The following ENTPD3 variants were observed in gnomAD, a reference collection of about 807,000 sequenced individuals.
The protein encoded by ENTPD3 is CD39 antigen-like 3.
ENTPD3 carries 60 observed loss-of-function variants against 51.2 expected under a neutral mutation model. The ratio of observed to expected loss-of-function variants is 1.17; its 90% confidence interval spans 0.95 to 1.45. The LOEUF is 1.45. Among genes scored for constraint, ENTPD3 ranks in the 40% most tolerant of loss-of-function variants. ENTPD3 has a pLI of 0.00. For missense variants in ENTPD3, 593 were observed against 641.1 expected, an observed-to-expected ratio of 0.93 and a Z score of 0.81; for synonymous variants, 221 against 238.4, an observed-to-expected ratio of 0.93 and a Z score of 0.67.
intron 3 of ENTPD3, among the ~76,000 whole-genome samples, chr3:40,393,805 G>T (rs1955123452): frequency 6.6e-6 from 1 of 152,044 alleles, no homozygotes; most frequent in Non-Finnish European, 1.5e-5. Flanking sequence ...GGGACTTTGG[G>T]AGGCCGAGGC....
At chr3:40,423,798 T>C (rs770879539) in intron 9 of ENTPD3, 28 bp from the exon 10 acceptor site, 49 of 1,610,510 alleles carry the variant, frequency 3.0e-5, no homozygotes, top group Non-Finnish European at 4.1e-5. Context: ...CTGCCTGCCC[T>C]GCCTCTCAGA....
At chr3:40,406,668 T>C (rs1464044081) in intron 4 of ENTPD3, among the ~76,000 whole-genome samples, 1 of 152,138 alleles carries the variant, frequency 6.6e-6, no homozygotes, top group African/African-American at 2.4e-5. Flanking sequence ...TTGCAATGTC[T>C]GGAGATCTTT....
chr3:40,417,807 T>A (rs1955781601), intron 7 of ENTPD3, among the ~76,000 whole-genome samples: 1 of 152,146 alleles, frequency 6.6e-6, no homozygotes, highest in Non-Finnish European at 1.5e-5. Context: ...TCCTTTTACC[T>A]CTAGCAATGC....
chr3:40,419,057 TC>T (rs1036692730), intron 7 of ENTPD3, among the ~76,000 whole-genome samples: 2 of 152,208 alleles, frequency 1.3e-5, no homozygotes, highest in Non-Finnish European at 2.9e-5. Context: ...AATATGTTGT[TC>T]TTCTACACTT....
intron 4 of ENTPD3, among the ~76,000 whole-genome samples, chr3:40,405,302 T>C (rs1221191777): frequency 1.3e-5 from 2 of 151,952 alleles, no homozygotes; most frequent in African/African-American, 4.8e-5. Context: ...GCAAAGAGTT[T>C]GAGACCAGCC....
chr3:40,403,759 C>G (rs547096468), intron 4 of ENTPD3, among the ~76,000 whole-genome samples: 14 of 151,228 alleles, frequency 9.3e-5, no homozygotes, highest in Admixed American at 5.3e-4. Flanking sequence ...TTCAAGCAGT[C>G]TTCCTATCTC....
intron 4 of ENTPD3, among the ~76,000 whole-genome samples, chr3:40,409,085 T>C (rs987507528): frequency 6.6e-6 from 1 of 152,000 alleles, no homozygotes; most frequent in African/African-American, 2.4e-5. Flanking sequence ...AAACCCCATC[T>C]CTACTAAAAA....
At position 40,416,032 on chromosome 3, in the gene ENTPD3, C is replaced by T. The variant is rs144743573; in HGVS notation, c.790C>T (p.Arg264Trp). ...LYTHSFQCYG[R>W]NEAEKKFLAM... is the part of the protein sequence containing the mutation. ...CACACACAGCTTCCAGTGCTATGGC[C>T]GGAATGAGGCTGAGAAGAAGTTTCT... Residue 264 changes from arginine (R) to tryptophan (W), a missense_variant, in exon 7 of 11, where the codon CGG becomes TGG. By Grantham distance (101) the Arg-to-Trp change is moderately radical (BLOSUM62 -3). Coordinates refer to ENST00000301825, the MANE Select transcript of ENTPD3 (RefSeq NM_001248.4). 236 of 1,613,924 alleles carry T rather than the reference C, an allele frequency of 1.5e-4. 4 individuals are homozygous for T. In the South Asian group the frequency reaches 2.2e-3, roughly 15 times the overall value.
intron 4 of ENTPD3, among the ~76,000 whole-genome samples, chr3:40,405,503 T>C (rs1183132518): frequency 1.6e-5 from 2 of 122,664 alleles, no homozygotes; most frequent in African/African-American, 6.5e-5. Flanking sequence ...AGACTTCATT[T>C]CAAAAAAAAA....
At chr3:40,396,290 G>A (rs1000738643) in intron 3 of ENTPD3, among the ~76,000 whole-genome samples, 1 of 152,234 alleles carries the variant, frequency 6.6e-6, no homozygotes, top group Non-Finnish European at 1.5e-5. Flanking sequence ...AGGATATGGA[G>A]AGATCTCTCT....
chr3:40,395,141 A>G (rs1955167046), intron 3 of ENTPD3, among the ~76,000 whole-genome samples: 1 of 152,196 alleles, frequency 6.6e-6, no homozygotes, highest in African/African-American at 2.4e-5. Flanking sequence ...CTGTGAGAAC[A>G]GGTTTGGGAA....
chr3:40,423,799 G>C, intron 9 of ENTPD3, 27 bp from the exon 10 acceptor site: 2 of 1,610,174 alleles, frequency 1.2e-6, no homozygotes, highest in South Asian at 2.2e-5. Context: ...TGCCTGCCCT[G>C]CCTCTCAGAT....
At chr3:40,391,476 A>C (rs1416076173) in intron 2 of ENTPD3, 1 of 152,094 alleles carries the variant, frequency 6.6e-6, no homozygotes, top group Non-Finnish European at 1.5e-5. Context: ...CAGGAGTTCG[A>C]GACCAGCCTG....
chr3:40,410,359 TG>T (rs1328111862), intron 4 of ENTPD3, among the ~76,000 whole-genome samples: 4 of 151,188 alleles, frequency 2.6e-5, no homozygotes, highest in African/African-American at 9.7e-5. Flanking sequence ...AAGAATCGCT[TG>T]AATCTGGCAG....
chr3:40,421,650 T>C (rs969636492), intron 7 of ENTPD3, among the ~76,000 whole-genome samples: 7 of 152,166 alleles, frequency 4.6e-5, no homozygotes, highest in Non-Finnish European at 1.0e-4. Context: ...TAAAGTATGG[T>C]TTATTTGTAC....
chr3:40,393,962 G>A (rs1311660279), intron 3 of ENTPD3, among the ~76,000 whole-genome samples: 1 of 145,936 alleles, frequency 6.9e-6, no homozygotes, highest in Non-Finnish European at 1.5e-5. Flanking sequence ...GCAGGAGAAT[G>A]GCGTGAACCC....
At chr3:40,424,060 G>A (rs1955937345) in intron 10 of ENTPD3, 97 bp downstream of exon 10, 7 of 1,567,208 alleles carry the variant, frequency 4.5e-6, no homozygotes, top group Non-Finnish European at 4.3e-6. Context: ...GTATTAATGA[G>A]TTAAACTCAC....
At chr3:40,392,829 T>C (rs965114819) in intron 3 of ENTPD3, among the ~76,000 whole-genome samples, 2 of 151,764 alleles carry the variant, frequency 1.3e-5, no homozygotes, top group African/African-American at 2.4e-5. Context: ...AAAAAAGAAG[T>C]CAAGACCAGG....
At chr3:40,388,572 G>GCACACACACA (rs1426786871) in intron 2 of ENTPD3, among the ~76,000 whole-genome samples, 2 of 94,032 alleles carry the variant, frequency 2.1e-5, no homozygotes, top group Admixed American at 1.4e-4. Context: ...ACACTGGAAG[G>GCACACACACA]CACACACACA....
Sources: allele counts gnomAD v4.1 joint callset (sites outside exome capture counted in the v4.1 genomes callset), GRCh38; gene constraint gnomAD v4.1.1; transcripts MANE v1.5; gene names NCBI Gene and HGNC (gene_info 2026-07-23, HGNC 2026-07-21).